NLGN4X: variants seen among roughly 807,000 people sequenced by gnomAD.
The protein encoded by NLGN4X is neuroligin-4, X-linked.
Under a neutral mutation model 40.3 loss-of-function variants are expected in NLGN4X, and 3 were observed. The ratio of observed to expected loss-of-function variants is 0.07; its 90% confidence interval spans 0.03 to 0.19. NLGN4X has a LOEUF of 0.19. NLGN4X is among the 10% of genes least tolerant of loss of function. NLGN4X has a pLI of 1.00. For synonymous variants in NLGN4X, 270 were observed against 306.8 expected, an observed-to-expected ratio of 0.88 and a Z score of 1.25; for missense variants, 382 against 708.3, an observed-to-expected ratio of 0.54 and a Z score of 5.23.
chrX:6,215,856 G>A (rs1375809104), intron 1 of NLGN4X, among the ~76,000 whole-genome samples: 5 of 104,743 alleles, frequency 4.8e-5, no homozygotes, highest in East Asian at 5.9e-4. Flanking sequence ...GCTGAAAGAT[G>A]TGGAGAGTAA....
intron 1 of NLGN4X, among the ~76,000 whole-genome samples, chrX:6,161,820 G>C (rs775419981): frequency 1.2e-4 from 13 of 110,099 alleles, no homozygotes; most frequent in Non-Finnish European, 2.1e-4. Context: ...TAATTAGTTT[G>C]GATATATACA....
At chrX:6,128,102 C>T (rs1349692579) in intron 2 of NLGN4X, among the ~76,000 whole-genome samples, 6 of 110,960 alleles carry the variant, frequency 5.4e-5, no homozygotes, top group African/African-American at 2.0e-4. Flanking sequence ...ACAGGTTGCA[C>T]CACTGTGTCT....
chrX:5,959,737 G>A, intron 3 of NLGN4X, among the ~76,000 whole-genome samples: 1 of 111,852 alleles, frequency 8.9e-6, no homozygotes, highest in Non-Finnish European at 1.9e-5. Context: ...AAACCTGTCA[G>A]TTCTTGCTTT....
At chrX:6,104,025 TTGTG>T (rs968681658) in intron 2 of NLGN4X, among the ~76,000 whole-genome samples, 6 of 111,682 alleles carry the variant, frequency 5.4e-5, no homozygotes, top group African/African-American at 1.6e-4. Context: ...TGTGCATGCA[TTGTG>T]TGTGTATGTG....
intron 3 of NLGN4X, among the ~76,000 whole-genome samples, chrX:5,925,885 T>C (rs1489792209): frequency 0.016 from 79 of 5,086 alleles, 2 homozygotes; most frequent in East Asian, 0.02. Flanking sequence ...TACACACATA[T>C]ATATATATAT....
chrX:6,138,947 T>C lies in NLGN4X; in HGVS notation c.472+12048A>G, dbSNP rs148766437. On this transcript the variant is annotated intron_variant, in intron 2 of 5. Coordinates refer to ENST00000381095, the MANE Select transcript of NLGN4X (RefSeq NM_181332.3). ...AAGATCCCTGTAGAATGTGCGATGG[T>C]GAAATTTGTTCTCATTATTATCTGA... Among the ~76,000 whole-genome samples, 1,018 of 111,627 alleles carry C rather than the reference T, an allele frequency of 9.1e-3. 8 individuals carry two copies. Among genetic ancestry groups the C allele is most frequent in the African/African-American group, 0.032 (980 of 30,800 alleles).
chrX:6,147,205 G>A (rs968981675), intron 2 of NLGN4X, among the ~76,000 whole-genome samples: 1 of 111,954 alleles, frequency 8.9e-6, no homozygotes, highest in Non-Finnish European at 1.9e-5. Flanking sequence ...ACCTTAAGAT[G>A]TATGTCCAAG....
chrX:5,990,408 C>T (rs2035649687), intron 3 of NLGN4X, among the ~76,000 whole-genome samples: 1 of 110,659 alleles, frequency 9.0e-6, no homozygotes, highest in Non-Finnish European at 1.9e-5. Flanking sequence ...CAGAGACACC[C>T]TGGGCGGGAG....
intron 3 of NLGN4X, among the ~76,000 whole-genome samples, chrX:5,953,803 T>C (rs138577378): frequency 1.6e-4 from 18 of 111,968 alleles, no homozygotes; most frequent in African/African-American, 5.5e-4. Context: ...AGCAAAAAGA[T>C]GTTGGAATAT....
intron 3 of NLGN4X, chrX:5,991,423 T>C: frequency 1.9e-6 from 1 of 516,988 alleles, no homozygotes; most frequent in Non-Finnish European, 3.6e-6. Flanking sequence ...TCTAATTCCA[T>C]CCTCATTTCT....
intron 3 of NLGN4X, among the ~76,000 whole-genome samples, chrX:6,017,734 T>C (rs2036429304): frequency 8.9e-6 from 1 of 112,171 alleles, no homozygotes; most frequent in Admixed American, 9.5e-5. Context: ...TCTCTTTGGA[T>C]GCCAGGCAGC....
chrX:6,194,069 C>T (rs989580284), intron 1 of NLGN4X, among the ~76,000 whole-genome samples: 2 of 111,201 alleles, frequency 1.8e-5, no homozygotes, highest in African/African-American at 3.3e-5. Context: ...ATGGTCCCAG[C>T]GGACTCAGGA....
At position 6,077,310 on chromosome X, in the gene NLGN4X, G is replaced by GTGGTGTGTGTGTGTGGTGT. The variant is rs1168394609; in HGVS notation, c.473-47879_473-47878insACACCACACACACACACCA. On this transcript the variant is annotated intron_variant, in intron 2 of 5. Transcript: ENST00000381095. ...TGTGTGTGTGTCTGTGTGTGTGTGT[G>GTGGTGTGTGTGTGTGGTGT]GTGTGTGTGTGTGTGTGACAGGGTC... 5.4e-4 allele frequency among the ~76,000 whole-genome samples: 55 copies of GTGGTGTGTGTGTGTGGTGT among 102,536 alleles called. 3 individuals are homozygous for GTGGTGTGTGTGTGTGGTGT. The highest frequency in any genetic ancestry group is 7.5e-4 in the Admixed American group (7 of 9,358). 89.0% of individuals were successfully genotyped at this position (102,536 alleles called of 115,157 possible).
intron 5 of NLGN4X, among the ~76,000 whole-genome samples, chrX:5,895,408 T>C (rs1402407186): frequency 9.0e-6 from 1 of 111,182 alleles, no homozygotes; most frequent in East Asian, 2.8e-4. Context: ...ACACCTATAA[T>C]ATTGCAAGGG....
intron 4 of NLGN4X, among the ~76,000 whole-genome samples, chrX:5,905,011 T>A (rs752828462): frequency 5.2e-4 from 57 of 109,797 alleles, no homozygotes; most frequent in African/African-American, 1.7e-3. Context: ...GGAACGTTTC[T>A]GTCAGAAATG....
chrX:5,982,998 T>C (rs989129746), intron 3 of NLGN4X, among the ~76,000 whole-genome samples: 1 of 111,965 alleles, frequency 8.9e-6, no homozygotes, highest in African/African-American at 3.2e-5. Flanking sequence ...ACTGTGGGAG[T>C]TCTTGCAGCA....
At chrX:6,116,263 A>G (rs1430480617) in intron 2 of NLGN4X, among the ~76,000 whole-genome samples, 8 of 69,340 alleles carry the variant, frequency 1.2e-4, no homozygotes, top group African/African-American at 4.7e-4. Flanking sequence ...ACTGCACTCC[A>G]GCCTGGGCGA....
intron 2 of NLGN4X, among the ~76,000 whole-genome samples, chrX:6,036,963 A>T (rs942298328): frequency 5.4e-5 from 6 of 111,675 alleles, no homozygotes; most frequent in Non-Finnish European, 1.1e-4. Flanking sequence ...TTCAAAAGTT[A>T]GTCTATTTAA....
At chrX:6,102,222 T>C (rs1278138550) in intron 2 of NLGN4X, among the ~76,000 whole-genome samples, 1 of 111,923 alleles carries the variant, frequency 8.9e-6, no homozygotes, top group African/African-American at 3.3e-5. Context: ...TATTATGCAT[T>C]GCATGTCTAC....
Sources: gnomAD v4.1 joint callset for allele counts (sites outside exome capture counted in the v4.1 genomes callset) on GRCh38, gnomAD v4.1.1 for gene constraint, MANE v1.5 for transcripts, NCBI Gene and HGNC (gene_info 2026-07-23, HGNC 2026-07-21) for gene names.